The following RPS6KA6 variants were observed in gnomAD, a reference collection of about 807,000 sequenced individuals.
RPS6KA6 encodes the protein ribosomal protein S6 kinase A6.
Under a neutral mutation model 65.4 loss-of-function variants are expected in RPS6KA6, and 27 were observed. The ratio of observed to expected loss-of-function variants is 0.41; its 90% CI spans 0.30 to 0.57. The LOEUF is 0.57. RPS6KA6 is among the 20% of genes least tolerant of loss of function. RPS6KA6 has a pLI of 0.24. For synonymous variants in RPS6KA6, 190 were observed against 184.2 expected, an observed-to-expected ratio of 1.03 and a Z score of -0.26; for missense variants, 486 against 555.6, an observed-to-expected ratio of 0.87 and a Z score of 1.26.
chrX:84,097,721 CA>C lies in RPS6KA6; in HGVS notation c.1853+50del, dbSNP rs1399338463. ...TATTCTCTTTCTAGATGAAGATATA[CA>C]GATGAAATTCAAATAACAATGTTAA... is the stretch of plus-strand genomic sequence containing the variant. On this transcript the variant is annotated intron_variant, in intron 19 of 21. Coordinates refer to ENST00000262752, the MANE Select transcript of RPS6KA6 (RefSeq NM_014496.5). 6.6e-6 allele frequency: 5 copies of C among 752,225 alleles called. 1 individual carries two copies. In the Admixed American group the frequency reaches 1.2e-4, roughly 19 times the overall value. 62.0% of individuals were successfully genotyped at this position (752,225 alleles called of 1,213,427 possible).
intron 8 of RPS6KA6, among the ~76,000 whole-genome samples, chrX:84,127,630 G>C (rs1369579599): frequency 9.0e-6 from 1 of 111,033 alleles, no homozygotes; most frequent in Non-Finnish European, 1.9e-5. Flanking sequence ...GACCAAGTGA[G>C]ATTTGTCCCA....
chrX:84,072,809 TAGAG>T (rs1440029616), intron 20 of RPS6KA6, among the ~76,000 whole-genome samples: 1 of 110,844 alleles, frequency 9.0e-6, no homozygotes, highest in Non-Finnish European at 1.9e-5. Context: ...TGCAAAAAAA[TAGAG>T]AGGAATAAAT....
At chrX:84,085,014 GT>G (rs1265603972) in intron 20 of RPS6KA6, among the ~76,000 whole-genome samples, 1 of 111,368 alleles carries the variant, frequency 9.0e-6, no homozygotes, top group Non-Finnish European at 1.9e-5. Flanking sequence ...CTTGCCTGTT[GT>G]TGGGGCATAG....
intron 12 of RPS6KA6, among the ~76,000 whole-genome samples, chrX:84,108,149 A>C (rs2034396861): frequency 8.9e-6 from 1 of 112,090 alleles, no homozygotes; most frequent in African/African-American, 3.2e-5. Context: ...AGATAATTGA[A>C]AATTTAGTCG....
intron 2 of RPS6KA6, 90 bp from the exon 3 acceptor site, chrX:84,156,281 C>G: frequency 4.0e-6 from 2 of 498,648 alleles, no homozygotes; most frequent in Non-Finnish European, 7.1e-6. Context: ...ATAGAAATAC[C>G]CAACTCCCTC....
At chrX:84,132,816 AG>A (rs2034924692) in intron 8 of RPS6KA6, among the ~76,000 whole-genome samples, 2 of 108,160 alleles carry the variant, frequency 1.8e-5, no homozygotes, top group Non-Finnish European at 3.8e-5. Context: ...CAGTTACAAC[AG>A]GAAACTTTCT....
intron 1 of RPS6KA6, among the ~76,000 whole-genome samples, chrX:84,180,495 T>C (rs1475713318): frequency 8.9e-6 from 1 of 112,086 alleles, no homozygotes; most frequent in Non-Finnish European, 1.9e-5. Context: ...TCTACGTGTC[T>C]ATTCTTCCAC....
chrX:84,070,290 A>T (rs1464642578), intron 20 of RPS6KA6, among the ~76,000 whole-genome samples: 1 of 111,498 alleles, frequency 9.0e-6, no homozygotes, highest in African/African-American at 3.3e-5. Context: ...AAACTAACGC[A>T]GGAACAGAAA....
intron 1 of RPS6KA6, among the ~76,000 whole-genome samples, chrX:84,166,591 T>TA (rs1350600479): frequency 9.0e-6 from 1 of 111,191 alleles, no homozygotes; most frequent in African/African-American, 3.3e-5. Context: ...CTCAGAGACA[T>TA]ATGAAACACT....
intron 20 of RPS6KA6, among the ~76,000 whole-genome samples, chrX:84,094,452 C>A (rs1268445251): frequency 9.2e-6 from 1 of 108,523 alleles, no homozygotes; most frequent in African/African-American, 3.4e-5. Flanking sequence ...ACCATCCTTG[C>A]AAACACGATG....
chrX:84,064,101 T>G lies in RPS6KA6; in HGVS notation c.*176A>C, dbSNP rs2033346939. The G allele has an allele frequency of 2.1e-6, 1 of 487,097 alleles. No individual in the cohort carries two copies. Among genetic ancestry groups the G allele is most frequent in the East Asian group, 3.9e-5 (1 of 25,860 alleles). 40.1% of individuals were successfully genotyped at this position (487,097 alleles called of 1,213,427 possible). A position where few individuals can be genotyped will look rare whatever the true frequency, so the allele number is the denominator to read the frequency against. On this transcript the variant is annotated 3_prime_UTR_variant, in exon 22 of 22. Transcript: ENST00000262752. ...TGAACACTACTGCAAACACATAGTA[T>G]GAATATTGTGGACCTGTGAATGGTT...
intron 8 of RPS6KA6, among the ~76,000 whole-genome samples, chrX:84,126,057 G>A (rs1602433819): frequency 9.0e-6 from 1 of 110,800 alleles, no homozygotes; most frequent in Non-Finnish European, 1.9e-5. Context: ...TACACAGACT[G>A]GATGAACCAT....
chrX:84,076,435 A>C (rs772210486), intron 20 of RPS6KA6, among the ~76,000 whole-genome samples: 4 of 112,021 alleles, frequency 3.6e-5, no homozygotes, highest in African/African-American at 1.3e-4. Context: ...AAATTTAGCT[A>C]TATATAGTCT....
intron 20 of RPS6KA6, among the ~76,000 whole-genome samples, chrX:84,072,882 C>A (rs6622903): frequency 0.051 from 5,675 of 111,175 alleles, 197 homozygotes; most frequent in East Asian, 0.21. Context: ...ATGGAAGAAA[C>A]TGAAGAGGAT....
chrX:84,171,806 T>A lies in RPS6KA6; in HGVS notation c.82-7419A>T, dbSNP rs190187255. ...TTTTAAGCTCCACATGCATTAGGTA[T>A]TTGTCCGAATACTCTCCCCGCCCTT... On this transcript the variant is annotated intron_variant, in intron 1 of 21. Transcript: ENST00000262752. 5.7e-3 allele frequency among the ~76,000 whole-genome samples: 639 copies of A among 111,151 alleles called. 3 individuals are homozygous for A. The highest frequency in any genetic ancestry group is 0.019 in the African/African-American group (593 of 30,575).
chrX:84,105,459 C>G (rs1205919471), intron 16 of RPS6KA6, among the ~76,000 whole-genome samples: 2 of 111,058 alleles, frequency 1.8e-5, no homozygotes, highest in South Asian at 7.6e-4. Context: ...TTTGGCAGAT[C>G]CCCAGTCTCC....
intron 1 of RPS6KA6, among the ~76,000 whole-genome samples, chrX:84,173,308 C>A (rs1040511048): frequency 2.7e-5 from 3 of 110,599 alleles, no homozygotes; most frequent in Non-Finnish European, 5.7e-5. Flanking sequence ...GTCAAGCAGA[C>A]CAAGATTCAA....
intron 1 of RPS6KA6, among the ~76,000 whole-genome samples, chrX:84,170,367 C>T (rs948549395): frequency 1.8e-5 from 2 of 110,281 alleles, no homozygotes; most frequent in Non-Finnish European, 3.8e-5. Flanking sequence ...TAGTGGCTCA[C>T]GTCTGTAATC....
intron 3 of RPS6KA6, among the ~76,000 whole-genome samples, chrX:84,152,515 TC>T (rs202136509): frequency 0.33 from 36,802 of 110,322 alleles, 5,631 homozygotes; most frequent in Non-Finnish European, 0.47. Context: ...GTGATCTATT[TC>T]TTTTTTCCTA....
Sources: allele counts gnomAD v4.1 joint callset (sites outside exome capture counted in the v4.1 genomes callset), GRCh38; gene constraint gnomAD v4.1.1; transcripts MANE v1.5; gene names NCBI Gene and HGNC (gene_info 2026-07-23, HGNC 2026-07-21).